The following EFR3B variants were observed in gnomAD, a reference collection of about 807,000 sequenced individuals.
EFR3B encodes the protein protein EFR3 homolog B.
A neutral mutation model predicts 104.7 loss-of-function variants in EFR3B; 64 were observed. The observed-to-expected ratio is 0.61, with a 90% CI of 0.50 to 0.75. EFR3B has a LOEUF of 0.75. Ranked by LOEUF, EFR3B falls within the 30% of genes least tolerant of loss-of-function variation. The pLI is 0.00. For missense variants in EFR3B, 750 were observed against 1,078.5 expected (o/e 0.70, Z 4.27); for synonymous variants, 385 against 417.9 (o/e 0.92, Z 0.96).
intron 1 of EFR3B, among the ~76,000 whole-genome samples, chr2:25,085,829 T>C (rs963668881): frequency 6.6e-6 from 1 of 150,890 alleles, no homozygotes; most frequent in African/African-American, 2.4e-5. Context: ...GAATCTGGGA[T>C]GGGGGATTTA....
chr2:25,127,882 C>T (rs529898392), intron 5 of EFR3B, among the ~76,000 whole-genome samples: 23 of 152,286 alleles, frequency 1.5e-4, no homozygotes, highest in African/African-American at 4.3e-4. Flanking sequence ...CAAGCTGGAA[C>T]AACCCCAGCT....
At chr2:25,090,302 T>C (rs1304212203) in intron 1 of EFR3B, among the ~76,000 whole-genome samples, 1 of 152,146 alleles carries the variant, frequency 6.6e-6, no homozygotes, top group Non-Finnish European at 1.5e-5. Flanking sequence ...GCCCCCTCAG[T>C]GAGGGGTGAA....
rs572120781 is a variant in EFR3B at position 25,132,993 on chromosome 2, C to T, written c.1238C>T (p.Ala413Val). ...GTCCCGCGGCCATCCCTGCACCAGGCGGTGGACACAGGCAGGACGGGGTGA... is the reference window on the plus strand; with the variant it reads ...GTCCCGCGGCCATCCCTGCACCAGGTGGTGGACACAGGCAGGACGGGGTGA... ...SKVPRPSLHQ[A>V]VDTGRTGENR... The change falls in exon 11 of 23, where the codon GCG (alanine) becomes GTG (valine). Residue 413 changes from alanine to valine, a missense_variant. Ala to Val is a moderately conservative substitution (Grantham distance 64, BLOSUM62 0). Coordinates refer to ENST00000403714, the MANE Select transcript of EFR3B (RefSeq NM_014971.2). 1.5e-5 allele frequency: 24 copies of T among 1,551,640 alleles called. No individual in the cohort carries two copies. The East Asian group carries it at 4.2e-4, about 27-fold the overall frequency.
At chr2:25,052,096 T>C (rs1667886758) in intron 1 of EFR3B, among the ~76,000 whole-genome samples, 1 of 151,428 alleles carries the variant, frequency 6.6e-6, no homozygotes, top group Non-Finnish European at 1.5e-5. Flanking sequence ...CTCAGGAGGC[T>C]GAGGCAGGAG....
intron 4 of EFR3B, among the ~76,000 whole-genome samples, chr2:25,112,049 G>T (rs1669737009): frequency 6.6e-6 from 1 of 152,226 alleles, no homozygotes; most frequent in South Asian, 2.1e-4. Context: ...AGTGTCTGTG[G>T]TCTCCTAGGC....
chr2:25,128,277 G>A lies in EFR3B; in HGVS notation c.580G>A (p.Asp194Asn). 2.6e-6 allele frequency: 4 copies of A among 1,551,872 alleles called. No individual in the cohort carries two copies. Among genetic ancestry groups the A allele is most frequent in the Non-Finnish European group, 3.5e-6 (4 of 1,147,054 alleles). Reference protein sequence around the residue: ...QANIWDPQHMDKIVPSLLFNL... With the variant: ...QANIWDPQHMNKIVPSLLFNL... ...CAATATCTGGGACCCACAGCACATGGATAAGATCGTTCCATCACTGCTTTT... is the reference window on the plus strand; with the variant it reads ...CAATATCTGGGACCCACAGCACATGAATAAGATCGTTCCATCACTGCTTTT... Residue 194 changes from aspartate to asparagine, a missense_variant, in exon 6 of 23, where the codon GAT becomes AAT. Physicochemically the swap from Asp to Asn is conservative, Grantham distance 23. Coordinates refer to ENST00000403714, the MANE Select transcript of EFR3B (RefSeq NM_014971.2).
chr2:25,115,130 G>T (rs532491961), intron 4 of EFR3B, among the ~76,000 whole-genome samples: 2 of 152,176 alleles, frequency 1.3e-5, no homozygotes, highest in Admixed American at 6.5e-5. Flanking sequence ...GCAGTGAGCC[G>T]TGATCACGCC....
intron 1 of EFR3B, among the ~76,000 whole-genome samples, chr2:25,087,581 T>G (rs1206710385): frequency 6.6e-6 from 1 of 151,854 alleles, no homozygotes; most frequent in African/African-American, 2.4e-5. Flanking sequence ...CAAGTGATTC[T>G]CCTGCCTCAG....
intron 16 of EFR3B, among the ~76,000 whole-genome samples, chr2:25,140,369 T>G (rs1034505296): frequency 6.6e-6 from 1 of 151,808 alleles, no homozygotes. Flanking sequence ...AAAATTTAGG[T>G]CTTAACTAGC....
At chr2:25,065,428 C>T (rs938359898) in intron 1 of EFR3B, among the ~76,000 whole-genome samples, 3 of 149,314 alleles carry the variant, frequency 2.0e-5, no homozygotes, top group Non-Finnish European at 3.0e-5. Context: ...TGTGCTCAAG[C>T]GATCCTCCCA....
Position 25,131,868 on chromosome 2 carries a change from G to A in EFR3B, c.1104G>A (p.Glu368=), listed in dbSNP as rs767734947. Residue 368 remains glutamate, a synonymous_variant, in exon 10 of 23, where the codon GAG becomes GAA. Coordinates refer to ENST00000403714, the MANE Select transcript of EFR3B (RefSeq NM_014971.2). The surrounding 1 kb of genome is among the most constrained non-coding windows in gnomAD (Gnocchi z 7.6). ...GCCTCGGCACCAAGATCATCAAGGA[G>A]CACGAGGAGCGCATGTTCCAGGAGG... ...AVSLGTKIIK[E]HEERMFQEAV... is the part of the protein sequence containing the mutation. 5.8e-5 allele frequency: 89 copies of A among 1,547,048 alleles called. 1 individual carries two copies. The highest frequency in any genetic ancestry group is 3.6e-5 in the South Asian group (3 of 83,594).
At chr2:25,110,140 G>T (rs1181959065) in intron 4 of EFR3B, among the ~76,000 whole-genome samples, 3 of 151,794 alleles carry the variant, frequency 2.0e-5, no homozygotes, top group Admixed American at 6.6e-5. Flanking sequence ...CACCTCCCTG[G>T]GTCTCCTCGT....
chr2:25,132,849 GA>G (rs1670395302), intron 10 of EFR3B, 53 bp from the exon 11 acceptor site: 1 of 1,448,450 alleles, frequency 6.9e-7, no homozygotes, highest in Non-Finnish European at 9.5e-7. Flanking sequence ...GCTGAACCAG[GA>G]GGGGCCCTGG....
At position 25,131,532 on chromosome 2, in the gene EFR3B, CG is replaced by C; in HGVS notation, c.985+33del. 1 of 1,545,496 alleles carries C rather than the reference CG, an allele frequency of 6.5e-7. No homozygotes were observed. The highest frequency in any genetic ancestry group is 8.7e-7 in the Non-Finnish European group (1 of 1,144,912). Reference sequence around the variant, plus strand: ...AGGGGCATGGCTAGGGCCTGAGGGCCGGGGACCCCGCGGAGGCTGCCGCCTC... The same window carrying C: ...AGGGGCATGGCTAGGGCCTGAGGGCCGGGACCCCGCGGAGGCTGCCGCCTC... On this transcript the variant is annotated intron_variant, in intron 9 of 22. Coordinates refer to ENST00000403714, the MANE Select transcript of EFR3B (RefSeq NM_014971.2). The surrounding 1 kb of genome is among the most constrained non-coding windows in gnomAD (Gnocchi z 7.6).
intron 5 of EFR3B, among the ~76,000 whole-genome samples, chr2:25,126,652 G>A (rs1369143160): frequency 5.3e-5 from 8 of 151,810 alleles, no homozygotes; most frequent in African/African-American, 1.9e-4. Context: ...GAGTCACCGC[G>A]CCCGGCCTAA....
chr2:25,143,210 C>T (rs1670722328), intron 17 of EFR3B, among the ~76,000 whole-genome samples: 2 of 151,498 alleles, frequency 1.3e-5, no homozygotes, highest in African/African-American at 2.4e-5. Flanking sequence ...AGCGAGACTC[C>T]GTCTCAAAGA....
chr2:25,137,939 A>G lies in EFR3B; in HGVS notation c.1722+437A>G, dbSNP rs545570745. Among the ~76,000 whole-genome samples, 1 of 152,248 alleles carries G rather than the reference A, an allele frequency of 6.6e-6. No homozygotes were observed. The highest frequency in any genetic ancestry group is 1.5e-5 in the Non-Finnish European group (1 of 68,006). On this transcript the variant is annotated intron_variant, in intron 15 of 22. Transcript: ENST00000403714. The surrounding 1 kb of genome is among the most constrained non-coding windows in gnomAD (Gnocchi z 4.7). Reference sequence around the variant, plus strand: ...GTAATCCCAGCACTTTGGGAGGCCGAGGTGGGTGGACCACTTGAGGTCAGG... The same window carrying G: ...GTAATCCCAGCACTTTGGGAGGCCGGGGTGGGTGGACCACTTGAGGTCAGG...
chr2:25,059,584 G>GA (rs1668128073), intron 1 of EFR3B, among the ~76,000 whole-genome samples: 2 of 134,794 alleles, frequency 1.5e-5, no homozygotes, highest in South Asian at 2.8e-4. Context: ...GGGGGGGGGG[G>GA]GGTGGAGATT....
chr2:25,103,927 T>G, intron 4 of EFR3B, 140 bp downstream of exon 4: 1 of 968,716 alleles, frequency 1.0e-6, no homozygotes, highest in Non-Finnish European at 1.5e-6. Flanking sequence ...CTGCTTGTTT[T>G]AGGGTCTCCC....
Sources: allele counts gnomAD v4.1 joint callset (sites outside exome capture counted in the v4.1 genomes callset), GRCh38; gene constraint gnomAD v4.1.1; non-coding constraint Gnocchi (gnomAD v3.1); transcripts MANE v1.5; gene names NCBI Gene and HGNC (gene_info 2026-07-23, HGNC 2026-07-21).